ITGA2: variants seen among roughly 807,000 people sequenced by gnomAD.
The protein encoded by ITGA2 is integrin alpha-2.
Under a neutral mutation model 146.3 loss-of-function variants are expected in ITGA2, and 101 were observed. That is an observed-to-expected ratio of 0.69 (90% CI 0.59 to 0.81). The LOEUF is 0.81. Among genes scored for constraint, ITGA2 ranks in the 40% least tolerant of loss-of-function variants. The pLI, the probability that ITGA2 is intolerant of heterozygous loss-of-function variation, is 0.00. For missense variants in ITGA2, 1,281 were observed against 1,402.7 expected, an observed-to-expected ratio of 0.91 and a Z score of 1.39; for synonymous variants, 477 against 487.1, an observed-to-expected ratio of 0.98 and a Z score of 0.27.
chr5:53,040,702 T>C (rs1431702163), intron 2 of ITGA2, among the ~76,000 whole-genome samples: 2 of 152,198 alleles, frequency 1.3e-5, no homozygotes. Context: ...GAGTGTTCTA[T>C]CTTAGTTTGA....
At chr5:53,022,773 C>T (rs1466318604) in intron 1 of ITGA2, among the ~76,000 whole-genome samples, 1 of 152,248 alleles carries the variant, frequency 6.6e-6, no homozygotes, top group African/African-American at 2.4e-5. Context: ...ATTGTGCTGC[C>T]AAGGACGGTC....
chr5:52,995,283 G>A (rs1234979118), intron 1 of ITGA2, among the ~76,000 whole-genome samples: 2 of 152,172 alleles, frequency 1.3e-5, no homozygotes, highest in African/African-American at 4.8e-5. Context: ...GACATGATCA[G>A]ATGAGGAGAG....
chr5:53,001,991 A>G (rs969069524), intron 1 of ITGA2, among the ~76,000 whole-genome samples: 1 of 152,110 alleles, frequency 6.6e-6, no homozygotes, highest in Admixed American at 6.6e-5. Flanking sequence ...TTAAAATAAC[A>G]AAGTCTTTTA....
chr5:53,045,280 T>G lies in ITGA2; in HGVS notation c.387+188T>G, dbSNP rs3212461. Among the ~76,000 whole-genome samples, 41,778 of 152,064 alleles carry G rather than the reference T, an allele frequency of 0.27. 5,815 individuals carry two copies. The highest frequency in any genetic ancestry group is 0.32 in the Admixed American group (4,919 of 15,282). ...GTTGATGTGTAGACTTTTTAGGATA[T>G]TCAGCAAAACCACTGCTACTGAATG... On this transcript the variant is annotated intron_variant, in intron 4 of 29. Transcript: ENST00000296585.
intron 27 of ITGA2, among the ~76,000 whole-genome samples, chr5:53,086,746 A>G (rs930080735): frequency 1.3e-5 from 2 of 152,186 alleles, no homozygotes; most frequent in African/African-American, 4.8e-5. Flanking sequence ...GCAGACAGAC[A>G]TGTATTAAAA....
chr5:53,014,725 T>A (rs969116219), intron 1 of ITGA2, among the ~76,000 whole-genome samples: 1 of 152,204 alleles, frequency 6.6e-6, no homozygotes, highest in Non-Finnish European at 1.5e-5. Context: ...ATTCGTCTGG[T>A]CCTGGGCTTT....
intron 20 of ITGA2, among the ~76,000 whole-genome samples, chr5:53,073,526 G>A (rs540285386): frequency 6.6e-6 from 1 of 152,024 alleles, no homozygotes; most frequent in South Asian, 2.1e-4. Context: ...TGAGCTATCA[G>A]TGTGATGAGG....
chr5:53,076,602 T>A (rs1745673323), intron 23 of ITGA2, among the ~76,000 whole-genome samples: 1 of 152,118 alleles, frequency 6.6e-6, no homozygotes. Flanking sequence ...CTGAATTTTT[T>A]CCTTCTTATA....
intron 2 of ITGA2, among the ~76,000 whole-genome samples, chr5:53,038,899 T>A (rs1303771977): frequency 6.6e-6 from 1 of 152,140 alleles, no homozygotes; most frequent in Non-Finnish European, 1.5e-5. Flanking sequence ...CAGACCAGCC[T>A]GGCCAACATG....
Position 53,048,478 on chromosome 5 carries a change from G to T in ITGA2, c.502+1G>T. 6.2e-7 allele frequency: 1 copy of T among 1,613,660 alleles called. No individual in the cohort carries two copies. The highest frequency in any genetic ancestry group is 8.5e-7 in the Non-Finnish European group (1 of 1,179,604). Reference sequence around the variant, plus strand: ...GCCAGCTTCTCACCTGCAACTCAGCGTAAGTTATTAATGTGCAGATGGTCT... The same window carrying T: ...GCCAGCTTCTCACCTGCAACTCAGCTTAAGTTATTAATGTGCAGATGGTCT... On this transcript the variant is annotated splice_donor_variant, in intron 5 of 29. Transcript: ENST00000296585. LOFTEE classifies it high-confidence loss of function.
At position 53,059,916 on chromosome 5, in the gene ITGA2, G is replaced by A; in HGVS notation, c.1216G>A (p.Gly406Arg). Residue 406 changes from glycine to arginine, a missense_variant, in exon 11 of 30, where the codon GGG becomes AGG. Around this residue, in one of 3 missense-constraint regions of ITGA2, gnomAD observed 795 missense variants for 841.7 expected, o/e 0.94. Coordinates refer to ENST00000296585, the MANE Select transcript of ITGA2 (RefSeq NM_002203.4). ...TGCAGTGGGAGCTTTTGGCTGGAGT[G>A]GGACCATTGTCCAGAAGACATCTCA... ...LGAVGAFGWSGTIVQKTSHGH... is the reference protein window; with the variant it reads ...LGAVGAFGWSRTIVQKTSHGH... 6.2e-7 allele frequency: 1 copy of A among 1,612,172 alleles called. No individual in the cohort carries two copies. Among genetic ancestry groups the A allele is most frequent in the Non-Finnish European group, 8.5e-7 (1 of 1,178,880 alleles).
intron 2 of ITGA2, among the ~76,000 whole-genome samples, chr5:53,039,597 A>G (rs761031095): frequency 5.3e-5 from 8 of 151,700 alleles, no homozygotes; most frequent in Non-Finnish European, 1.2e-4. Flanking sequence ...AAAATTAGCC[A>G]GGTGTGGTGG....
At chr5:53,084,932 G>T (rs910402142) in intron 27 of ITGA2, among the ~76,000 whole-genome samples, 1 of 152,154 alleles carries the variant, frequency 6.6e-6, no homozygotes, top group Admixed American at 6.5e-5. Flanking sequence ...GTTTATTTCT[G>T]GGAGTAAACT....
At chr5:53,058,227 T>A (rs1409028643) in intron 10 of ITGA2, 126 bp downstream of exon 10, 7 of 747,544 alleles carry the variant, frequency 9.4e-6, no homozygotes, top group Non-Finnish European at 1.4e-5. Context: ...CTAGTCACGG[T>A]CATTTAGTTT....
chr5:53,082,749 C>T (rs1268753545), intron 26 of ITGA2, among the ~76,000 whole-genome samples: 2 of 152,148 alleles, frequency 1.3e-5, no homozygotes, highest in Non-Finnish European at 2.9e-5. Context: ...TGGAATTTGA[C>T]AAATGTAAAA....
chr5:53,010,837 A>C (rs1742088258), intron 1 of ITGA2, among the ~76,000 whole-genome samples: 1 of 152,120 alleles, frequency 6.6e-6, no homozygotes, highest in East Asian at 1.9e-4. Context: ...TGTGGTGGTT[A>C]AGGATCTTGA....
intron 1 of ITGA2, among the ~76,000 whole-genome samples, chr5:53,003,478 TAGAG>T (rs1473696546): frequency 6.6e-6 from 1 of 152,190 alleles, no homozygotes; most frequent in African/African-American, 2.4e-5. Flanking sequence ...CACATACTGT[TAGAG>T]GGAGGCAGCT....
At chr5:53,082,805 C>T (rs982020452) in intron 26 of ITGA2, among the ~76,000 whole-genome samples, 2 of 152,144 alleles carry the variant, frequency 1.3e-5, no homozygotes, top group Non-Finnish European at 2.9e-5. Flanking sequence ...ATATTCACTG[C>T]CCTACACATC....
chr5:53,057,881 C>A, intron 9 of ITGA2, 144 bp from the exon 10 acceptor site: 1 of 663,086 alleles, frequency 1.5e-6, no homozygotes, highest in Non-Finnish European at 2.8e-6. Context: ...AATATGCAAG[C>A]TCTGTATTTT....
Sources: allele counts gnomAD v4.1 joint callset (sites outside exome capture counted in the v4.1 genomes callset), GRCh38; gene constraint gnomAD v4.1.1; regional missense constraint gnomAD v4.1.1; transcripts MANE v1.5; gene names NCBI Gene and HGNC (gene_info 2026-07-23, HGNC 2026-07-21).